Variants in IL1RL2 observed in about 807,000 individuals in gnomAD.
The protein encoded by IL1RL2 is interleukin 1 receptor like 2, also known as interleukin-1 receptor-like 2.
Under a neutral mutation model 66.8 loss-of-function variants are expected in IL1RL2, and 68 were observed. The ratio of observed to expected loss-of-function variants is 1.02; its 90% CI spans 0.84 to 1.25. IL1RL2 has a LOEUF of 1.25. Among genes scored for constraint, IL1RL2 ranks in the 50% most tolerant of loss-of-function variants. The pLI is 0.00. For synonymous variants in IL1RL2, 305 were observed against 264.6 expected, an observed-to-expected ratio of 1.15 and a Z score of -1.48; for missense variants, 729 against 709.3, an observed-to-expected ratio of 1.03 and a Z score of -0.32.
intron 9 of IL1RL2, among the ~76,000 whole-genome samples, chr2:102,227,682 C>T (rs538091183): frequency 5.9e-5 from 9 of 152,242 alleles, no homozygotes; most frequent in Middle Eastern, 3.4e-3. Flanking sequence ...CAGTCCCCCA[C>T]CACTGATTGT....
At chr2:102,190,853 T>C (rs1687167658) in intron 3 of IL1RL2, among the ~76,000 whole-genome samples, 1 of 152,184 alleles carries the variant, frequency 6.6e-6, no homozygotes, top group Non-Finnish European at 1.5e-5. Flanking sequence ...AAAAGTAATC[T>C]TTAATAGAAA....
chr2:102,213,419 G>A (rs1329516194), intron 6 of IL1RL2, among the ~76,000 whole-genome samples: 1 of 152,064 alleles, frequency 6.6e-6, no homozygotes, highest in African/African-American at 2.4e-5. Flanking sequence ...TGAAGTGACG[G>A]ATTTGTTAAT....
chr2:102,214,111 A>T (rs181285220), intron 6 of IL1RL2, among the ~76,000 whole-genome samples: 606 of 152,324 alleles, frequency 4.0e-3, no homozygotes, highest in African/African-American at 0.014. Context: ...GAATAGTCTT[A>T]AAAGACAAAT....
chr2:102,230,628 G>A (rs1349573967), intron 9 of IL1RL2, among the ~76,000 whole-genome samples: 2 of 152,220 alleles, frequency 1.3e-5, no homozygotes, highest in Non-Finnish European at 2.9e-5. Context: ...GGGAGCCAAC[G>A]AAGTCTCCAC....
chr2:102,238,081 T>C (rs1441720231), intron 11 of IL1RL2, among the ~76,000 whole-genome samples: 1 of 152,146 alleles, frequency 6.6e-6, no homozygotes, highest in Non-Finnish European at 1.5e-5. Context: ...CTGTAAACCC[T>C]CATCACTCCT....
intron 11 of IL1RL2, chr2:102,235,736 T>A (rs1437376764): frequency 1.3e-5 from 13 of 985,428 alleles, no homozygotes; most frequent in Non-Finnish European, 1.4e-5. Context: ...TGTCCACGCC[T>A]GTCCAGTGTC....
chr2:102,189,298 A>T lies in IL1RL2; in HGVS notation c.281A>T (p.Gln94Leu). 1 of 1,602,840 alleles carries T rather than the reference A, an allele frequency of 6.2e-7. No individual in the cohort carries two copies. Among genetic ancestry groups the T allele is most frequent in the Non-Finnish European group, 8.5e-7 (1 of 1,171,458 alleles). Residue 94 changes from glutamine to leucine, a missense_variant, in exon 3 of 12, where the codon CAA becomes CTA. Transcript: ENST00000264257. ...PMEWGDSGVY[Q>L]CVIKGRDSCH... ...GAATGGGGGGACTCAGGAGTCTACC[A>T]ATGTGTTATAAAGTAAGTTCCTAAT...
chr2:102,201,400 CCAT>C, intron 4 of IL1RL2, among the ~76,000 whole-genome samples, 153 bp from the exon 5 acceptor site: 1 of 152,232 alleles, frequency 6.6e-6, no homozygotes, highest in Non-Finnish European at 1.5e-5. Context: ...GCCTATCTAT[CCAT>C]CTATCATCAA....
intron 3 of IL1RL2, among the ~76,000 whole-genome samples, chr2:102,189,561 T>A (rs1322688492): frequency 6.6e-6 from 1 of 152,240 alleles, no homozygotes; most frequent in Non-Finnish European, 1.5e-5. Context: ...AGTGTGTTTG[T>A]CCCAGTATTA....
At position 102,235,223 on chromosome 2, in the gene IL1RL2, C is replaced by T. The variant is rs1170101831; in HGVS notation, c.1624C>T (p.Arg542Trp). The change falls in exon 11 of 12, where the codon CGG becomes TGG. Residue 542 changes from arginine (R) to tryptophan (W), a missense_variant. Arg to Trp is a moderately radical substitution (Grantham distance 101, BLOSUM62 -3). Coordinates refer to ENST00000264257, the MANE Select transcript of IL1RL2 (RefSeq NM_003854.4). ...VRYHMPPRRC[R>W]PFPPVQLLQH... ...ATACCACATGCCGCCCAGAAGGTGT[C>T]GGCCGTTTCCTCCGGTCCAGCTGCT... 6.2e-6 allele frequency: 10 copies of T among 1,614,016 alleles called. No individual in the cohort carries two copies. Among genetic ancestry groups the T allele is most frequent in the Admixed American group, 1.7e-5 (1 of 60,004 alleles).
chr2:102,231,266 C>G (rs545221532), intron 9 of IL1RL2, among the ~76,000 whole-genome samples: 1 of 152,228 alleles, frequency 6.6e-6, no homozygotes, highest in Non-Finnish European at 1.5e-5. Context: ...ACTTTTTTCC[C>G]CTCAACTCTC....
rs1167386740 is a variant in IL1RL2, at chr2:102,202,375, A to G, written c.649+660A>G. Among the ~76,000 whole-genome samples the G allele has an allele frequency of 7.3e-5, 11 of 151,450 alleles. No individual in the cohort carries two copies. The East Asian group carries it at 1.7e-3, about 24-fold the overall frequency. ...ATATAGTATGTGCATATATTACATA[A>G]TAATAGGTGTATTATATATATAATA... On this transcript the variant is annotated intron_variant, in intron 5 of 11. Coordinates refer to ENST00000264257, the MANE Select transcript of IL1RL2 (RefSeq NM_003854.4).
At chr2:102,202,863 CCG>C (rs1688386244) in intron 5 of IL1RL2, among the ~76,000 whole-genome samples, 1 of 152,102 alleles carries the variant, frequency 6.6e-6, no homozygotes, top group African/African-American at 2.4e-5. Flanking sequence ...AATTTGGATG[CCG>C]TTTATATCTT....
chr2:102,239,838 T>C lies in IL1RL2; in HGVS notation c.*597T>C, dbSNP rs1249475154. On this transcript the variant is annotated 3_prime_UTR_variant, in exon 12 of 12. Coordinates refer to ENST00000264257, the MANE Select transcript of IL1RL2 (RefSeq NM_003854.4). ...GATCACCTGTCATGGTGGGTGAGAG[T>C]TGGGATTCATCCCCATGTCATGGTG... The C allele has an allele frequency of 6.5e-6, 1 of 153,848 alleles. No individual in the cohort carries two copies. Among genetic ancestry groups the C allele is most frequent in the Non-Finnish European group, 1.4e-5 (1 of 69,182 alleles). 9.5% of individuals were successfully genotyped at this position (153,848 alleles called of 1,614,324 possible).
At chr2:102,196,225 C>T (rs555803249) in intron 4 of IL1RL2, among the ~76,000 whole-genome samples, 1 of 152,272 alleles carries the variant, frequency 6.6e-6, no homozygotes, top group East Asian at 1.9e-4. Context: ...GCCTCACCTT[C>T]TGCTAACTGA....
intron 8 of IL1RL2, among the ~76,000 whole-genome samples, chr2:102,221,608 T>TCCCTTA (rs1362485340): frequency 3.3e-5 from 5 of 152,118 alleles, no homozygotes; most frequent in African/African-American, 1.2e-4. Flanking sequence ...GCTCTGTGGA[T>TCCCTTA]TCCTCCCCTC....
chr2:102,196,167 T>A (rs753702268), intron 4 of IL1RL2, among the ~76,000 whole-genome samples: 2 of 152,208 alleles, frequency 1.3e-5, no homozygotes, highest in Non-Finnish European at 2.9e-5. Context: ...CAATCCTAAG[T>A]GAGCATCGGA....
chr2:102,210,583 C>T (rs1578141485), intron 5 of IL1RL2, among the ~76,000 whole-genome samples: 1 of 152,068 alleles, frequency 6.6e-6, no homozygotes, highest in African/African-American at 2.4e-5. Context: ...GTTCAAGGCA[C>T]CTTAAGAGGT....
chr2:102,242,771 A>G (rs1434429488), downstream of IL1RL2, among the ~76,000 whole-genome samples: 1 of 152,210 alleles, frequency 6.6e-6, no homozygotes, highest in African/African-American at 2.4e-5. Context: ...TAATCTGGGC[A>G]TCCTTCAGCC....
Sources: gnomAD v4.1 joint callset for allele counts (sites outside exome capture counted in the v4.1 genomes callset) on GRCh38, gnomAD v4.1.1 for gene constraint, MANE v1.5 for transcripts, NCBI Gene and HGNC (gene_info 2026-07-23, HGNC 2026-07-21) for gene names.